Variants in TAFA2 observed in about 807,000 individuals in gnomAD.
TAFA2 encodes TAFA chemokine like family member 2, also known as chemokine-like protein TAFA-2.
Under a neutral mutation model 18.8 loss-of-function variants are expected in TAFA2, and 7 were observed. That is an observed-to-expected ratio of 0.37 (90% CI 0.21 to 0.70). TAFA2 has a LOEUF of 0.70. Ranked by LOEUF, TAFA2 falls within the 30% of genes least tolerant of loss-of-function variation. The pLI is 0.53. For missense variants in TAFA2, 122 were observed against 158.1 expected, an observed-to-expected ratio of 0.77 and a Z score of 1.23; for synonymous variants, 60 against 54.2, an observed-to-expected ratio of 1.11 and a Z score of -0.47.
At chr12:62,204,507 C>T (rs1462502489) in intron 1 of TAFA2, among the ~76,000 whole-genome samples, 2 of 151,876 alleles carry the variant, frequency 1.3e-5, no homozygotes, top group Admixed American at 6.6e-5. Flanking sequence ...CCATAGTTCT[C>T]GGAGGTTTTG....
At chr12:61,966,586 T>C (rs1879075355) in intron 1 of TAFA2, among the ~76,000 whole-genome samples, 1 of 151,924 alleles carries the variant, frequency 6.6e-6, no homozygotes, top group South Asian at 2.1e-4. Flanking sequence ...TTTTTATTCT[T>C]ATGGGTATGA....
chr12:61,856,355 T>G (rs923453361), intron 2 of TAFA2, among the ~76,000 whole-genome samples: 1 of 151,892 alleles, frequency 6.6e-6, no homozygotes, highest in African/African-American at 2.4e-5. Flanking sequence ...ATAAAATATA[T>G]GAAAAGATGA....
chr12:61,937,801 T>G (rs1877833807), intron 1 of TAFA2, among the ~76,000 whole-genome samples: 1 of 151,826 alleles, frequency 6.6e-6, no homozygotes, highest in Non-Finnish European at 1.5e-5. Context: ...CAAAACTAAA[T>G]AAATGGGACC....
intron 2 of TAFA2, among the ~76,000 whole-genome samples, chr12:61,857,032 T>C (rs1592438470): frequency 6.6e-6 from 1 of 151,902 alleles, no homozygotes; most frequent in South Asian, 2.1e-4. Flanking sequence ...GAATTACAGG[T>C]ATTTTAAAGT....
intron 1 of TAFA2, among the ~76,000 whole-genome samples, chr12:61,929,835 A>C (rs1877478277): frequency 6.6e-6 from 1 of 152,122 alleles, no homozygotes; most frequent in Non-Finnish European, 1.5e-5. Context: ...ATAAAAAAGG[A>C]TGAGTTCATG....
chr12:62,161,409 G>A (rs751615835), intron 1 of TAFA2, among the ~76,000 whole-genome samples: 14 of 152,164 alleles, frequency 9.2e-5, no homozygotes, highest in Non-Finnish European at 2.1e-4. Context: ...CAGCAACATG[G>A]ATGGAACTGA....
intron 1 of TAFA2, among the ~76,000 whole-genome samples, chr12:62,176,202 A>G (rs183682189): frequency 1.3e-4 from 20 of 152,342 alleles, no homozygotes; most frequent in Admixed American, 2.6e-4. Context: ...AATAAAATTA[A>G]TTTAAAATAG....
chr12:62,193,768 T>C (rs887299841), upstream of TAFA2, among the ~76,000 whole-genome samples: 1 of 152,232 alleles, frequency 6.6e-6, no homozygotes, highest in Non-Finnish European at 1.5e-5. Flanking sequence ...AAAATGTTTC[T>C]GTATGTTCAA....
At chr12:61,764,666 G>A (rs1005069743) in intron 2 of TAFA2, among the ~76,000 whole-genome samples, 1 of 151,988 alleles carries the variant, frequency 6.6e-6, no homozygotes, top group African/African-American at 2.4e-5. Context: ...AAATGATTAG[G>A]TTTCATTAAA....
intron 1 of TAFA2, among the ~76,000 whole-genome samples, chr12:62,217,681 G>A (rs143826353): frequency 5.3e-5 from 8 of 152,280 alleles, no homozygotes; most frequent in African/African-American, 1.2e-4. Context: ...AGCTTCCCTC[G>A]AGGTGGCTGA....
At chr12:61,962,315 T>G (rs568088313) in intron 1 of TAFA2, among the ~76,000 whole-genome samples, 89 of 152,136 alleles carry the variant, frequency 5.9e-4, no homozygotes, top group African/African-American at 7.2e-4. Context: ...TAAAGGCTGG[T>G]TCCCATCATC....
intron 1 of TAFA2, among the ~76,000 whole-genome samples, chr12:61,920,335 C>A (rs1470776553): frequency 1.3e-5 from 2 of 152,124 alleles, no homozygotes; most frequent in Non-Finnish European, 2.9e-5. Context: ...TCACTAAAAG[C>A]AGAAACTTGA....
intron 1 of TAFA2, among the ~76,000 whole-genome samples, chr12:61,920,819 G>A (rs1472610520): frequency 6.6e-6 from 1 of 151,454 alleles, no homozygotes; most frequent in East Asian, 1.9e-4. Flanking sequence ...AAACTATATA[G>A]AATATCATAT....
At chr12:62,013,497 A>G (rs1307105560) in intron 1 of TAFA2, among the ~76,000 whole-genome samples, 1 of 152,186 alleles carries the variant, frequency 6.6e-6, no homozygotes, top group African/African-American at 2.4e-5. Flanking sequence ...TCCAGTATCT[A>G]ATCCTTCAGG....
intron 1 of TAFA2, among the ~76,000 whole-genome samples, chr12:62,020,062 A>G (rs1881079202): frequency 6.6e-6 from 1 of 152,188 alleles, no homozygotes; most frequent in Admixed American, 6.5e-5. Flanking sequence ...ATCATTATAG[A>G]TTAAACTGAT....
chr12:62,059,468 A>T (rs111534694), intron 1 of TAFA2, among the ~76,000 whole-genome samples: 43 of 152,268 alleles, frequency 2.8e-4, no homozygotes, highest in African/African-American at 1.0e-3. Flanking sequence ...TAATAAATAG[A>T]ATGTCACCAG....
At chr12:61,869,408 A>G (rs1378940821) in intron 1 of TAFA2, among the ~76,000 whole-genome samples, 1 of 152,220 alleles carries the variant, frequency 6.6e-6, no homozygotes, top group African/African-American at 2.4e-5. Flanking sequence ...AATGCTCAAT[A>G]AACGCTAGCC....
At chr12:61,725,835 G>A (rs1294161085) in intron 4 of TAFA2, among the ~76,000 whole-genome samples, 2 of 151,982 alleles carry the variant, frequency 1.3e-5, no homozygotes, top group African/African-American at 2.4e-5. Context: ...ACCACACATC[G>A]TATGTTCTCA....
At chr12:62,128,054 G>A (rs1349929461) in intron 1 of TAFA2, among the ~76,000 whole-genome samples, 1 of 151,998 alleles carries the variant, frequency 6.6e-6, no homozygotes. Flanking sequence ...TAAGAAGCAA[G>A]CATATGGTGG....
Sources: gnomAD v4.1 joint callset for allele counts (sites outside exome capture counted in the v4.1 genomes callset) on GRCh38, gnomAD v4.1.1 for gene constraint, MANE v1.5 for transcripts, NCBI Gene and HGNC (gene_info 2026-07-23, HGNC 2026-07-21) for gene names.